The following MELTF variants were observed in gnomAD, a reference collection of about 807,000 sequenced individuals.
MELTF encodes melanotransferrin.
Under a neutral mutation model 83.7 loss-of-function variants are expected in MELTF, and 67 were observed. That is an observed-to-expected ratio of 0.80 (90% CI 0.66 to 0.98). The LOEUF is 0.98. Ranked by LOEUF, MELTF falls within the 50% of genes least tolerant of loss-of-function variation. MELTF has a pLI of 0.00. For synonymous variants in MELTF, 462 were observed against 447.6 expected (o/e 1.03, Z -0.41); for missense variants, 1,002 against 1,035.6 (o/e 0.97, Z 0.44).
intron 9 of MELTF, among the ~76,000 whole-genome samples, chr3:197,012,930 A>AT (rs1719239255): frequency 6.6e-6 from 1 of 152,264 alleles, no homozygotes. Flanking sequence ...TATAAAGGAC[A>AT]TACATTTTTA....
chr3:197,019,982 C>T (rs1364150357), intron 6 of MELTF, among the ~76,000 whole-genome samples: 2 of 152,130 alleles, frequency 1.3e-5, no homozygotes, highest in Non-Finnish European at 2.9e-5. Context: ...GAAGGGTCTG[C>T]CCCATCAAGA....
In MELTF at chr3:197,008,836, C is replaced by A; in HGVS notation, c.1655G>T (p.Arg552Leu). Residue 552 changes from arginine (R) to leucine (L), a missense_variant, in exon 12 of 16, where the codon CGG becomes CTG. Arg to Leu is a moderately radical substitution (Grantham distance 102). Transcript: ENST00000296350. This position sits in a 1 kb window ranked among gnomAD's most constrained non-coding sequence, Gnocchi z 5.4. ...RNKCVGNSQE[R>L]YYGYRGAFRC... ...GAAGGCGCCGCGGTAGCCGTAATAC[C>A]GCTCCTGGCTGTTGCCCACACACTT... 6.2e-7 allele frequency: 1 copy of A among 1,614,146 alleles called. No individual in the cohort carries two copies. Among genetic ancestry groups the A allele is most frequent in the Non-Finnish European group, 8.5e-7 (1 of 1,180,020 alleles).
At chr3:197,017,727 A>C (rs532547938) in intron 6 of MELTF, among the ~76,000 whole-genome samples, 2 of 152,042 alleles carry the variant, frequency 1.3e-5, no homozygotes, top group African/African-American at 4.8e-5. Flanking sequence ...AATACAAAAA[A>C]TTAGCTGGGC....
chr3:197,003,519 T>TTGGGTG lies in MELTF; in HGVS notation c.2138-69_2138-68insCACCCA. The TTGGGTG allele has an allele frequency of 6.2e-6, 1 of 161,544 alleles. No individual in the cohort carries two copies. Among genetic ancestry groups the TTGGGTG allele is most frequent in the Non-Finnish European group, 1.0e-5 (1 of 98,450 alleles). The allele number at this position is 161,544 out of a possible 1,614,324, so 10.0% of individuals were successfully genotyped here. ...CGGTGGCCGCCTCAGGCGCCCGCTC[T>TTGGGTG]GGGGTGGGGGTGGGGGCATCTTTCG... On this transcript the variant is annotated intron_variant, in intron 15 of 15. Coordinates refer to ENST00000296350, the MANE Select transcript of MELTF (RefSeq NM_005929.6). This position sits in a 1 kb window ranked among gnomAD's most constrained non-coding sequence, Gnocchi z 6.2.
In MELTF at chr3:197,022,566, GT is replaced by G. The variant is rs1348156749; in HGVS notation, c.644+390del. On this transcript the variant is annotated intron_variant, in intron 5 of 15. Coordinates refer to ENST00000296350, the MANE Select transcript of MELTF (RefSeq NM_005929.6). This position sits in a 1 kb window ranked among gnomAD's most constrained non-coding sequence, Gnocchi z 5.1. ...TAGAGTCTCCTGCATCCACGGAAGG[GT>G]TACCCAAGGTGCCAGCCGCAACCAG... Among the ~76,000 whole-genome samples the G allele has an allele frequency of 1.3e-5, 2 of 152,138 alleles. No individual in the cohort carries two copies. Among genetic ancestry groups the G allele is most frequent in the Non-Finnish European group, 2.9e-5 (2 of 68,028 alleles).
Position 197,003,767 on chromosome 3 carries a change from A to T in MELTF, c.2137+134T>A, listed in dbSNP as rs1718868453. ...GCCTCCTGGCCAAAATCCTCCCGGG[A>T]CACCCCACCTGGACTGCTGCGAACG... is the stretch of plus-strand genomic sequence containing the variant. On this transcript the variant is annotated intron_variant, in intron 15 of 15. Coordinates refer to ENST00000296350, the MANE Select transcript of MELTF (RefSeq NM_005929.6). This position sits in a 1 kb window ranked among gnomAD's most constrained non-coding sequence, Gnocchi z 6.2. 8.4e-6 allele frequency: 7 copies of T among 835,960 alleles called. No individual in the cohort carries two copies. Among genetic ancestry groups the T allele is most frequent in the Admixed American group, 3.0e-5 (1 of 33,894 alleles). The allele number at this position is 835,960 out of a possible 1,614,324, so 51.8% of individuals were successfully genotyped here.
chr3:197,027,740 A>G lies in MELTF; in HGVS notation c.204+16T>C. ...ACAGCCCTCTTGTCTGGCAGGGTGGAAGGGAGAGGACTCACCGCGATGAGC... is the reference window on the plus strand; with the variant it reads ...ACAGCCCTCTTGTCTGGCAGGGTGGGAGGGAGAGGACTCACCGCGATGAGC... On this transcript the variant is annotated intron_variant, in intron 2 of 15. Transcript: ENST00000296350. 1 of 1,594,074 alleles carries G rather than the reference A, an allele frequency of 6.3e-7. No individual in the cohort carries two copies. The highest frequency in any genetic ancestry group is 8.6e-7 in the Non-Finnish European group (1 of 1,166,270).
chr3:197,004,561 G>A (rs1211736967), intron 14 of MELTF: 1 of 197,440 alleles, frequency 5.1e-6, no homozygotes, highest in African/African-American at 2.4e-5. Context: ...CAGAATATCA[G>A]GTGAGCTGGG....
Position 197,011,897 on chromosome 3 carries a change from T to C in MELTF, c.1234-1103A>G, listed in dbSNP as rs915929755. Reference sequence around the variant, plus strand: ...GCCCCAGGGCAGCCCCGTGGCCCTCTGTGAGCCCAGATTGAGAGGAGGCTG... The same window carrying C: ...GCCCCAGGGCAGCCCCGTGGCCCTCCGTGAGCCCAGATTGAGAGGAGGCTG... On this transcript the variant is annotated intron_variant, in intron 9 of 15. Transcript: ENST00000296350. This position sits in a 1 kb window ranked among gnomAD's most constrained non-coding sequence, Gnocchi z 4.2. 2.0e-4 allele frequency among the ~76,000 whole-genome samples: 30 copies of C among 152,158 alleles called. No homozygotes were observed. Among genetic ancestry groups the C allele is most frequent in the Non-Finnish European group, 4.1e-4 (28 of 68,012 alleles).
chr3:197,015,309 C>A, intron 9 of MELTF, 56 bp downstream of exon 9: 2 of 1,515,910 alleles, frequency 1.3e-6, no homozygotes, highest in South Asian at 2.5e-5. Flanking sequence ...TAAGAACTGC[C>A]CAGGCACTGC....
At chr3:197,021,234 C>T in intron 6 of MELTF, 170 bp downstream of exon 6, 1 of 604,758 alleles carries the variant, frequency 1.7e-6, no homozygotes, top group Non-Finnish European at 2.9e-6. Flanking sequence ...TCTTTTGCAG[C>T]TGGGAGTGCT....
chr3:197,026,700 C>A lies in MELTF; in HGVS notation c.264G>T (p.Glu88Asp). Reference sequence around the variant, plus strand: ...CGCCCACCACCGGCTTCAGGCCGTGCTCCTTTCCCGCCTCATAGATGGCTC... The same window carrying A: ...CGCCCACCACCGGCTTCAGGCCGTGATCCTTTCCCGCCTCATAGATGGCTC... ...DGGAIYEAGKEHGLKPVVGEV... is the reference protein window; with the variant it reads ...DGGAIYEAGKDHGLKPVVGEV... The change falls in exon 3 of 16, where the codon GAG becomes GAT. Residue 88 changes from glutamate (E) to aspartate (D), a missense_variant. Glu to Asp is a conservative substitution (Grantham distance 45). Coordinates refer to ENST00000296350, the MANE Select transcript of MELTF (RefSeq NM_005929.6). The A allele has an allele frequency of 1.2e-6, 2 of 1,613,562 alleles. No individual in the cohort carries two copies. The highest frequency in any genetic ancestry group is 1.7e-6 in the Non-Finnish European group (2 of 1,180,024).
rs1577925031 is a variant in MELTF at position 197,006,138 on chromosome 3, G to A, written c.1938+411C>T. On this transcript the variant is annotated intron_variant, in intron 14 of 15. Transcript: ENST00000296350. The surrounding 1 kb of genome is among the most constrained non-coding windows in gnomAD (Gnocchi z 5.4). Reference sequence around the variant, plus strand: ...CAGGAGGCTGAGGTGGGAGAATGGCGTGAACCCGGGAGGCGGAGCTTGCAG... The same window carrying A: ...CAGGAGGCTGAGGTGGGAGAATGGCATGAACCCGGGAGGCGGAGCTTGCAG... Among the ~76,000 whole-genome samples, 4 of 152,080 alleles carry A rather than the reference G, an allele frequency of 2.6e-5. No homozygotes were observed. The highest frequency in any genetic ancestry group is 3.9e-4 in the East Asian group (2 of 5,164).
At chr3:197,027,961 G>T (rs1410208201) in intron 1 of MELTF, 51 bp from the exon 2 acceptor site, 1 of 1,512,050 alleles carries the variant, frequency 6.6e-7, no homozygotes, top group Non-Finnish European at 8.9e-7. Flanking sequence ...CCCAGCCCCG[G>T]CCCACCATGG....
chr3:197,018,309 G>T (rs981748483), intron 6 of MELTF, among the ~76,000 whole-genome samples: 1 of 145,112 alleles, frequency 6.9e-6, no homozygotes, highest in Non-Finnish European at 1.5e-5. Flanking sequence ...CACCACGCCC[G>T]GCTAATTTTT....
chr3:197,024,214 G>GAGGGAGGCTACCCAGTGA lies in MELTF; in HGVS notation c.487+71_487+88dup. On this transcript the variant is annotated intron_variant, in intron 4 of 15. Transcript: ENST00000296350. The surrounding 1 kb of genome is among the most constrained non-coding windows in gnomAD (Gnocchi z 5.3). ...GGAATGAAGAATGGTGGCGAGGCCG[G>GAGGGAGGCTACCCAGTGA]AGGGAGGCTACCCAGTGAAGGGACG... The GAGGGAGGCTACCCAGTGA allele has an allele frequency of 7.2e-7, 1 of 1,386,148 alleles. No individual in the cohort carries two copies. Among genetic ancestry groups the GAGGGAGGCTACCCAGTGA allele is most frequent in the Admixed American group, 2.2e-5 (1 of 44,516 alleles). 85.9% of individuals were successfully genotyped at this position (1,386,148 alleles called of 1,614,324 possible). A position where few individuals can be genotyped will look rare whatever the true frequency, so the allele number is the denominator to read the frequency against.
intron 2 of MELTF, 71 bp downstream of exon 2, chr3:197,027,685 A>G: frequency 6.7e-7 from 1 of 1,502,056 alleles, no homozygotes; most frequent in Non-Finnish European, 9.0e-7. Flanking sequence ...TTCCTGGTGA[A>G]TGGGGCTGTT....
chr3:197,014,415 C>G (rs1560215263), intron 9 of MELTF, among the ~76,000 whole-genome samples: 2 of 110,010 alleles, frequency 1.8e-5, no homozygotes, highest in Admixed American at 1.2e-4. Context: ...TTGAGACAGT[C>G]TCTCTCTTGT....
Position 197,024,424 on chromosome 3 carries a change from G to A in MELTF, c.366C>T (p.Asp122=), listed in dbSNP as rs760137793. Residue 122 remains aspartate (D), a synonymous_variant, in exon 4 of 16, where the codon GAC becomes GAT. Transcript: ENST00000296350. This position sits in a 1 kb window ranked among gnomAD's most constrained non-coding sequence, Gnocchi z 5.3. ...VVRRSSHVTI[D]TLKGVKSCHT... The stretch of plus-strand genomic sequence containing the variant: ...GGCAGGACTTCACGCCTTTCAGGGT[G>A]TCAATGGTCACATGGGAGCTCCTCC... 1.2e-6 allele frequency: 2 copies of A among 1,610,412 alleles called. No homozygotes were observed. The highest frequency in any genetic ancestry group is 2.2e-5 in the South Asian group (2 of 90,884).
Sources: allele counts gnomAD v4.1 joint callset (sites outside exome capture counted in the v4.1 genomes callset), GRCh38; gene constraint gnomAD v4.1.1; non-coding constraint Gnocchi (gnomAD v3.1); transcripts MANE v1.5; gene names NCBI Gene and HGNC (gene_info 2026-07-23, HGNC 2026-07-21).